Variants in XPO6 observed in about 807,000 individuals in gnomAD.
XPO6 encodes the protein exportin 6.
In XPO6, 3 loss-of-function variants were observed where a neutral mutation model predicts 130.0. The observed-to-expected ratio is 0.02, with a 90% confidence interval of 0.01 to 0.06. The LOEUF (loss-of-function observed/expected upper bound fraction) is 0.06. XPO6 is among the 10% of genes least tolerant of loss of function. The pLI is 1.00. For missense variants in XPO6, 970 were observed against 1,393.0 expected (o/e 0.70, Z 4.83); for synonymous variants, 524 against 548.9 (o/e 0.95, Z 0.63).
In XPO6 at chr16:28,104,725, C is replaced by A. The variant is rs372428848; in HGVS notation, c.2785-18G>T. ...GAGGGACGCTGCAAAGACACACAGA[C>A]GCTCAGACCTGCAGCTTGCGGAGCT... On this transcript the variant is annotated intron_variant, in intron 20 of 23. Transcript: ENST00000304658. 1 of 1,612,886 alleles carries A rather than the reference C, an allele frequency of 6.2e-7. No individual in the cohort carries two copies. The highest frequency in any genetic ancestry group is 1.3e-5 in the African/African-American group (1 of 74,946).
intron 9 of XPO6, among the ~76,000 whole-genome samples, chr16:28,141,082 AC>A (rs2042882789): frequency 1.3e-5 from 2 of 152,244 alleles, no homozygotes; most frequent in Non-Finnish European, 2.9e-5. Context: ...CCTTTATTGC[AC>A]CACAATGTCA....
intron 7 of XPO6, chr16:28,153,504 C>T: frequency 1.4e-5 from 14 of 985,424 alleles, no homozygotes; most frequent in Non-Finnish European, 1.7e-5. Flanking sequence ...TCTTTCTTTT[C>T]ACTTCACAGT....
intron 1 of XPO6, among the ~76,000 whole-genome samples, chr16:28,181,456 C>T (rs1197861300): frequency 6.6e-6 from 1 of 151,932 alleles, no homozygotes; most frequent in African/African-American, 2.4e-5. Context: ...TTTTGATTCA[C>T]AGCACTTATA....
At chr16:28,109,217 T>A (rs2086856756) in intron 17 of XPO6, among the ~76,000 whole-genome samples, 1 of 151,854 alleles carries the variant, frequency 6.6e-6, no homozygotes, top group African/African-American at 2.4e-5. Flanking sequence ...ACTATAAGTA[T>A]ATAATAATAG....
chr16:28,153,688 A>G (rs778293597), intron 7 of XPO6: 3 of 985,484 alleles, frequency 3.0e-6, no homozygotes, highest in Non-Finnish European at 3.6e-6. Flanking sequence ...TGAGATGGCC[A>G]TACCTTCATA....
Position 28,101,746 on chromosome 16 carries a change from C to T in XPO6, c.3046-58G>A. On this transcript the variant is annotated intron_variant, in intron 22 of 23. Transcript: ENST00000304658. The surrounding 1 kb of genome is among the most constrained non-coding windows in gnomAD (Gnocchi z 5.4). Reference sequence around the variant, plus strand: ...AGCCCCCAGGGGCCTGTCCCGGGTCCCATCCACTTTCTGTCACACTCTCCA... The same window carrying T: ...AGCCCCCAGGGGCCTGTCCCGGGTCTCATCCACTTTCTGTCACACTCTCCA... 1.3e-6 allele frequency: 2 copies of T among 1,583,788 alleles called. No homozygotes were observed. Among genetic ancestry groups the T allele is most frequent in the Non-Finnish European group, 1.7e-6 (2 of 1,160,628 alleles).
intron 4 of XPO6, among the ~76,000 whole-genome samples, chr16:28,173,507 C>G (rs2043488559): frequency 6.6e-6 from 1 of 152,104 alleles, no homozygotes; most frequent in Admixed American, 6.6e-5. Flanking sequence ...CTTTGAGAGG[C>G]CATGGCAGGA....
At chr16:28,112,113 G>A in intron 16 of XPO6, 107 bp from the exon 17 acceptor site, 2 of 1,341,442 alleles carry the variant, frequency 1.5e-6, no homozygotes, top group South Asian at 2.9e-5. Flanking sequence ...TGGAACCCTA[G>A]CCCCCAGGCT....
rs765418308 is a variant in XPO6 at position 28,106,456 on chromosome 16, G to C, written c.2539C>G (p.Arg847Gly). The C allele has an allele frequency of 9.3e-6, 15 of 1,614,032 alleles. No individual in the cohort carries two copies. In the Admixed American group the frequency reaches 2.5e-4, roughly 27 times the overall value. Residue 847 changes from arginine to glycine, a missense_variant, in exon 19 of 24, where the codon CGA (arginine) becomes GGA (glycine). Around this residue, in one of 4 missense-constraint regions of XPO6, gnomAD observed 936 missense variants for 1,306.8 expected, o/e 0.72. Transcript: ENST00000304658. The surrounding 1 kb of genome is among the most constrained non-coding windows in gnomAD (Gnocchi z 4.2). ...ACACCCATCTGTACTCTAAGGCCTCGAAACAGAGTGAGGAAGAAGCTCAGC... is the reference window on the plus strand; with the variant it reads ...ACACCCATCTGTACTCTAAGGCCTCCAAACAGAGTGAGGAAGAAGCTCAGC... ...EMLSFFLTLF[R>G]GLRVQMGVPF... is the part of the protein sequence containing the mutation.
At chr16:28,162,987 G>T (rs923699725) in intron 6 of XPO6, among the ~76,000 whole-genome samples, 6 of 152,082 alleles carry the variant, frequency 3.9e-5, no homozygotes, top group Non-Finnish European at 8.8e-5. Context: ...TCATTCTTTG[G>T]TCTGCTGTGT....
At chr16:28,157,388 G>A (rs2043200892) in intron 6 of XPO6, among the ~76,000 whole-genome samples, 2 of 152,290 alleles carry the variant, frequency 1.3e-5, no homozygotes, top group South Asian at 4.1e-4. Context: ...CCAGGAGGTG[G>A]AGGTTGCAGT....
intron 17 of XPO6, among the ~76,000 whole-genome samples, chr16:28,110,959 A>G (rs2086905663): frequency 6.6e-6 from 1 of 152,244 alleles, no homozygotes; most frequent in African/African-American, 2.4e-5. Context: ...CATATTTTAA[A>G]ATAGAAAAGG....
At chr16:28,134,569 G>A (rs1443065199) in intron 10 of XPO6, among the ~76,000 whole-genome samples, 2 of 152,186 alleles carry the variant, frequency 1.3e-5, no homozygotes, top group African/African-American at 4.8e-5. Context: ...CTGGCTCTAA[G>A]CAAAGGGCTC....
In XPO6 at chr16:28,175,745, T is replaced by C. The variant is rs557855639; in HGVS notation, c.405+153A>G. Among the ~76,000 whole-genome samples the C allele has an allele frequency of 2.0e-5, 3 of 152,290 alleles. No individual in the cohort carries two copies. Among genetic ancestry groups the C allele is most frequent in the South Asian group, 2.1e-4 (1 of 4,828 alleles). ...CCTCACAAAGATACAATATGTCTTA[T>C]AAATATAAAGTGAATGCGATAATCA... On this transcript the variant is annotated intron_variant, in intron 4 of 23. Coordinates refer to ENST00000304658, the MANE Select transcript of XPO6 (RefSeq NM_015171.4).
At chr16:28,113,119 C>A (rs1247826893) in intron 15 of XPO6, 69 bp from the exon 16 acceptor site, 6 of 1,547,626 alleles carry the variant, frequency 3.9e-6, no homozygotes, top group Non-Finnish European at 4.4e-6. Context: ...TTTGCTGAGG[C>A]AGCCACAAGC....
At chr16:28,100,027 G>T (rs146534168) in intron 23 of XPO6, among the ~76,000 whole-genome samples, 1 of 151,728 alleles carries the variant, frequency 6.6e-6, no homozygotes, top group Non-Finnish European at 1.5e-5. Flanking sequence ...CCACTCTGCC[G>T]CCCAGGCTGG....
At position 28,171,489 on chromosome 16, in the gene XPO6, A is replaced by G. The variant is rs376255745; in HGVS notation, c.406-1580T>C. The stretch of plus-strand genomic sequence containing the variant: ...AAAAAAAAAAGAAAAAGAAAGAAAT[A>G]CAGGGTACATTCCTTTCCCTTAGAA... On this transcript the variant is annotated intron_variant, in intron 4 of 23. Transcript: ENST00000304658. Among the ~76,000 whole-genome samples, 18 of 151,838 alleles carry G rather than the reference A, an allele frequency of 1.2e-4. No homozygotes were observed. The East Asian group carries it at 2.7e-3, about 23-fold the overall frequency.
At chr16:28,133,285 C>G (rs562369556) in intron 11 of XPO6, among the ~76,000 whole-genome samples, 268 of 151,878 alleles carry the variant, frequency 1.8e-3, no homozygotes, top group African/African-American at 6.3e-3. Context: ...TGCAGTGAGC[C>G]AAGATCACGC....
intron 21 of XPO6, among the ~76,000 whole-genome samples, chr16:28,102,159 T>C (rs1361132818): frequency 1.3e-5 from 2 of 152,158 alleles, no homozygotes; most frequent in South Asian, 4.1e-4. Context: ...TATATACCTT[T>C]TTTAACAAAC....
Sources: allele counts gnomAD v4.1 joint callset (sites outside exome capture counted in the v4.1 genomes callset), GRCh38; gene constraint gnomAD v4.1.1; regional missense constraint gnomAD v4.1.1; non-coding constraint Gnocchi (gnomAD v3.1); transcripts MANE v1.5; gene names NCBI Gene and HGNC (gene_info 2026-07-23, HGNC 2026-07-21).